The following MR1 variants were observed in gnomAD, a reference collection of about 807,000 sequenced individuals.
MR1 encodes major histocompatibility complex, class I-related.
A neutral mutation model predicts 37.8 loss-of-function variants in MR1; 44 were observed. That is an observed-to-expected ratio of 1.16 (90% confidence interval 0.91 to 1.50). The LOEUF is 1.50. Among genes scored for constraint, MR1 ranks in the 40% most tolerant of loss-of-function variants. The probability of loss-of-function intolerance (pLI) is 0.00; values close to 1 mark genes in which losing one functional copy is unlikely to be tolerated. For missense variants in MR1, 386 were observed against 419.1 expected (o/e 0.92, Z 0.69); for synonymous variants, 153 against 155.8 (o/e 0.98, Z 0.13).
intron 1 of MR1, among the ~76,000 whole-genome samples, chr1:181,037,652 G>A (rs1657343098): frequency 6.6e-6 from 1 of 152,130 alleles, no homozygotes; most frequent in African/African-American, 2.4e-5. Flanking sequence ...AGATGACAAA[G>A]GATGTTTTTT....
intron 1 of MR1, among the ~76,000 whole-genome samples, chr1:181,034,338 G>A (rs534490699): frequency 1.3e-5 from 2 of 152,220 alleles, no homozygotes; most frequent in African/African-American, 4.8e-5. Context: ...TCTGAGCATG[G>A]CCTCCTTTCT....
chr1:181,051,618 T>C (rs1658327197), intron 3 of MR1, among the ~76,000 whole-genome samples: 1 of 152,150 alleles, frequency 6.6e-6, no homozygotes, highest in Non-Finnish European at 1.5e-5. Flanking sequence ...TTAAGAGTAG[T>C]CATGAGGAAG....
intron 1 of MR1, among the ~76,000 whole-genome samples, chr1:181,036,400 C>A (rs1367689401): frequency 6.6e-6 from 1 of 152,088 alleles, no homozygotes; most frequent in African/African-American, 2.4e-5. Flanking sequence ...CTGCTAGGAC[C>A]CTAACTGAAC....
chr1:181,043,526 C>T (rs1271751748), intron 1 of MR1, among the ~76,000 whole-genome samples: 1 of 152,048 alleles, frequency 6.6e-6, no homozygotes, highest in Non-Finnish European at 1.5e-5. Flanking sequence ...AATTTGAGAC[C>T]AGCCTGGGCA....
Position 181,049,420 on chromosome 1 carries a change from G to T in MR1, c.328+108G>T, listed in dbSNP as rs1421784572. 1.9e-5 allele frequency: 26 copies of T among 1,376,956 alleles called. No homozygotes were observed. In the East Asian group the frequency reaches 2.8e-4, roughly 15 times the overall value. The allele number at this position is 1,376,956 out of a possible 1,614,324, so 85.3% of individuals were successfully genotyped here. On this transcript the variant is annotated intron_variant, in intron 2 of 5. Coordinates refer to ENST00000367580, the MANE Select transcript of MR1 (RefSeq NM_001385161.1). ...GCTGAATTGCACCTGCTGTAGCTTT[G>T]GCAAAGCCTGAGGAATCAGGTTGGT...
At chr1:181,043,656 C>T (rs1253725602) in intron 1 of MR1, among the ~76,000 whole-genome samples, 1 of 152,204 alleles carries the variant, frequency 6.6e-6, no homozygotes, top group Admixed American at 6.5e-5. Context: ...GAGCTGTGAT[C>T]ATGCCGCTGC....
intron 1 of MR1, among the ~76,000 whole-genome samples, chr1:181,047,899 C>CTAAAAAA (rs1296171513): frequency 6.7e-6 from 1 of 149,612 alleles, no homozygotes. Flanking sequence ...GACTCTGTCT[C>CTAAAAAA]TAAAAAATAA....
intron 1 of MR1, among the ~76,000 whole-genome samples, chr1:181,046,910 G>A (rs1181176655): frequency 1.3e-5 from 2 of 152,000 alleles, no homozygotes; most frequent in African/African-American, 2.4e-5. Flanking sequence ...CTGAGCCAGC[G>A]AGAGCACCAA....
chr1:181,034,154 G>A, intron 1 of MR1, 80 bp downstream of exon 1: 1 of 1,428,664 alleles, frequency 7.0e-7, no homozygotes, highest in Non-Finnish European at 9.6e-7. Flanking sequence ...CCTAAAACTT[G>A]TGGTGAAAAA....
rs776481265 is a variant in MR1 at position 181,053,610 on chromosome 1, T to C, written c.918T>C (p.Ser306=). The change falls in exon 5 of 6, where the codon TCT becomes TCC. Residue 306 remains serine, a synonymous_variant. Transcript: ENST00000367580. Reference sequence around the variant, plus strand: ...TCCCTCTTGTGATGAAAGCTGTCTCTGGGTCCATTGTCCTTGTCATTGTGC... The same window carrying C: ...TCCCTCTTGTGATGAAAGCTGTCTCCGGGTCCATTGTCCTTGTCATTGTGC... ...ETIPLVMKAV[S]GSIVLVIVLA... is the part of the protein sequence containing the mutation. The C allele has an allele frequency of 1.9e-6, 3 of 1,614,038 alleles. No individual in the cohort carries two copies. In the South Asian group the frequency reaches 3.3e-5, roughly 18 times the overall value.
Position 181,057,933 on chromosome 1 carries a change from C to T in MR1, c.*2668C>T, listed in dbSNP as rs935242583. 6.6e-6 allele frequency: 1 copy of T among 152,254 alleles called. No individual in the cohort carries two copies. Among genetic ancestry groups the T allele is most frequent in the African/African-American group, 2.4e-5 (1 of 41,434 alleles). The allele number at this position is 152,254 out of a possible 1,614,324, so 9.4% of individuals were successfully genotyped here. ...TCTGAGGCAGAAGAACCGCTTGAAC[C>T]CGGGAGGCAGAGGTTGTGGTGAGCC... is the stretch of plus-strand genomic sequence containing the variant. On this transcript the variant is annotated 3_prime_UTR_variant, in exon 6 of 6. Coordinates refer to ENST00000367580, the MANE Select transcript of MR1 (RefSeq NM_001385161.1).
intron 1 of MR1, among the ~76,000 whole-genome samples, chr1:181,040,480 A>C (rs1014794064): frequency 6.6e-6 from 1 of 152,144 alleles, no homozygotes; most frequent in African/African-American, 2.4e-5. Flanking sequence ...CTGACTGAAC[A>C]TGTGTCAATC....
chr1:181,052,200 G>T (rs199621631), intron 3 of MR1, 35 bp from the exon 4 acceptor site: 285 of 1,607,460 alleles, frequency 1.8e-4, no homozygotes, highest in Non-Finnish European at 4.6e-5. Context: ...CAGTACATAA[G>T]GCACTTTGAT....
chr1:181,047,135 A>G (rs1401382340), intron 1 of MR1, among the ~76,000 whole-genome samples: 1 of 152,156 alleles, frequency 6.6e-6, no homozygotes, highest in Admixed American at 6.5e-5. Flanking sequence ...TTCTTGGACA[A>G]GCGGAGAGAA....
chr1:181,044,172 C>T (rs1210870031), intron 1 of MR1, among the ~76,000 whole-genome samples: 3 of 152,186 alleles, frequency 2.0e-5, no homozygotes, highest in South Asian at 4.2e-4. Context: ...ACCATGTTAG[C>T]CAGGTTGGTC....
At chr1:181,036,444 G>T (rs896159854) in intron 1 of MR1, among the ~76,000 whole-genome samples, 14 of 152,180 alleles carry the variant, frequency 9.2e-5, no homozygotes, top group African/African-American at 3.4e-4. Context: ...GGCTGGAAAA[G>T]GATATGAGAT....
At position 181,061,529 on chromosome 1, in the gene MR1, T is replaced by G. The variant is rs1270063265; in HGVS notation, c.*6264T>G. On this transcript the variant is annotated 3_prime_UTR_variant, in exon 6 of 6. Coordinates refer to ENST00000367580, the MANE Select transcript of MR1 (RefSeq NM_001385161.1). ...GAGTGATGGTGGAAAAAAAAACAAGTCAATTCATTTAGACTGGTAGAACCA... is the reference window on the plus strand; with the variant it reads ...GAGTGATGGTGGAAAAAAAAACAAGGCAATTCATTTAGACTGGTAGAACCA... The G allele has an allele frequency of 6.6e-6, 1 of 152,070 alleles. No homozygotes were observed. Among genetic ancestry groups the G allele is most frequent in the African/African-American group, 2.4e-5 (1 of 41,414 alleles). 9.4% of individuals were successfully genotyped at this position (152,070 alleles called of 1,614,324 possible). A position where few individuals can be genotyped will look rare whatever the true frequency, so the allele number is the denominator to read the frequency against.
In MR1 at chr1:181,053,610, T is replaced by G. The variant is rs776481265; in HGVS notation, c.918T>G (p.Ser306=). 1 of 1,613,920 alleles carries G rather than the reference T, an allele frequency of 6.2e-7. No individual in the cohort carries two copies. Among genetic ancestry groups the G allele is most frequent in the Non-Finnish European group, 8.5e-7 (1 of 1,179,912 alleles). The change falls in exon 5 of 6, where the codon TCT becomes TCG. Residue 306 remains serine, a synonymous_variant. Transcript: ENST00000367580. ...ETIPLVMKAV[S]GSIVLVIVLA... ...TCCCTCTTGTGATGAAAGCTGTCTC[T>G]GGGTCCATTGTCCTTGTCATTGTGC...
At chr1:181,045,911 C>T (rs1657831032) in intron 1 of MR1, among the ~76,000 whole-genome samples, 1 of 152,208 alleles carries the variant, frequency 6.6e-6, no homozygotes, top group African/African-American at 2.4e-5. Context: ...GTGGGCTTGG[C>T]GGGCCCTGCA....
Sources: gnomAD v4.1 joint callset for allele counts (sites outside exome capture counted in the v4.1 genomes callset) on GRCh38, gnomAD v4.1.1 for gene constraint, MANE v1.5 for transcripts, NCBI Gene and HGNC (gene_info 2026-07-23, HGNC 2026-07-21) for gene names.